PLAG1: variants seen among roughly 807,000 people sequenced by gnomAD.
The protein encoded by PLAG1 is PLAG1 zinc finger.
In PLAG1, 7 loss-of-function variants were observed where a neutral mutation model predicts 35.5. The ratio of observed to expected loss-of-function variants is 0.20; its 90% CI spans 0.11 to 0.37. PLAG1 has a LOEUF of 0.37. PLAG1 is among the 10% of genes least tolerant of loss of function. PLAG1 has a pLI of 1.00. For synonymous variants in PLAG1, 229 were observed against 225.4 expected (o/e 1.02, Z -0.14); for missense variants, 454 against 602.8 (o/e 0.75, Z 2.58).
Position 56,168,372 on chromosome 8 carries a change from G to T in PLAG1, c.-103C>A. Reference sequence around the variant, plus strand: ...TCTCAAGTTTCATGTGGTCGTAAAAGAAAGCAAAAAGGGACTGGAAAAAAA... The same window carrying T: ...TCTCAAGTTTCATGTGGTCGTAAAATAAAGCAAAAAGGGACTGGAAAAAAA... On this transcript the variant is annotated 5_prime_UTR_variant, in exon 4 of 5. Coordinates refer to ENST00000316981, the MANE Select transcript of PLAG1 (RefSeq NM_002655.3). The T allele has an allele frequency of 7.4e-7, 1 of 1,356,900 alleles. No homozygotes were observed. Among genetic ancestry groups the T allele is most frequent in the Non-Finnish European group, 9.6e-7 (1 of 1,046,084 alleles). 84.1% of individuals were successfully genotyped at this position (1,356,900 alleles called of 1,614,324 possible).
At chr8:56,177,732 T>A (rs533905721) in intron 2 of PLAG1, among the ~76,000 whole-genome samples, 1 of 152,302 alleles carries the variant, frequency 6.6e-6, no homozygotes, top group African/African-American at 2.4e-5. Context: ...ATTTCAGGAA[T>A]CAAAGCTAGC....
chr8:56,169,293 G>C (rs559919722), intron 3 of PLAG1, among the ~76,000 whole-genome samples: 57 of 152,212 alleles, frequency 3.7e-4, no homozygotes, highest in African/African-American at 1.3e-3. Flanking sequence ...TCATCAAAGA[G>C]GTGTTTAAGG....
intron 1 of PLAG1, among the ~76,000 whole-genome samples, chr8:56,180,002 T>TAAGG (rs1786355632): frequency 6.6e-6 from 1 of 152,174 alleles, no homozygotes; most frequent in African/African-American, 2.4e-5. Flanking sequence ...AGAGGCAGAA[T>TAAGG]AAGGAGCCAG....
intron 1 of PLAG1, among the ~76,000 whole-genome samples, chr8:56,190,547 G>A (rs1316833986): frequency 6.6e-6 from 1 of 152,170 alleles, no homozygotes. Context: ...AGGAAGGAGT[G>A]CTGCATGAGG....
In PLAG1 at chr8:56,165,832, T is replaced by C; in HGVS notation, c.*411A>G. 1 of 197,306 alleles carries C rather than the reference T, an allele frequency of 5.1e-6. No homozygotes were observed. The highest frequency in any genetic ancestry group is 6.0e-5 in the Admixed American group (1 of 16,614). 12.2% of individuals were successfully genotyped at this position (197,306 alleles called of 1,614,324 possible). ...TTAAACCCTTGAGTTATTCACAAACTTTTTATACAATTTACATTCTATTGC... is the reference window on the plus strand; with the variant it reads ...TTAAACCCTTGAGTTATTCACAAACCTTTTATACAATTTACATTCTATTGC... On this transcript the variant is annotated 3_prime_UTR_variant, in exon 5 of 5. Coordinates refer to ENST00000316981, the MANE Select transcript of PLAG1 (RefSeq NM_002655.3).
Position 56,179,512 on chromosome 8 carries a change from ACCT to A in PLAG1, c.-321-2_-321del. On this transcript the variant is annotated splice_acceptor_variant and 5_prime_UTR_variant, in exon 2 of 5. Coordinates refer to ENST00000316981, the MANE Select transcript of PLAG1 (RefSeq NM_002655.3). LOFTEE classifies it low-confidence loss of function (5UTR_SPLICE). ...ACGGCCAAGGCAGCACCAAGAGGCA[ACCT>A]AAAAAGAAAAGAAGAGTTAGTTTTA... is the stretch of plus-strand genomic sequence containing the variant. The A allele has an allele frequency of 1.1e-6, 1 of 925,780 alleles. No homozygotes were observed. Among genetic ancestry groups the A allele is most frequent in the Non-Finnish European group, 1.3e-6 (1 of 775,098 alleles). The allele number at this position is 925,780 out of a possible 1,614,324, so 57.3% of individuals were successfully genotyped here.
intron 1 of PLAG1, among the ~76,000 whole-genome samples, chr8:56,192,700 A>G (rs1812222877): frequency 6.6e-6 from 1 of 152,252 alleles, no homozygotes; most frequent in Non-Finnish European, 1.5e-5. Flanking sequence ...CAATGTTATC[A>G]TGATTGCTTA....
intron 1 of PLAG1, among the ~76,000 whole-genome samples, chr8:56,186,166 G>T (rs993862029): frequency 2.5e-4 from 38 of 152,098 alleles, no homozygotes; most frequent in African/African-American, 8.9e-4. Flanking sequence ...GTCAGAAGGG[G>T]CTTAAACTTT....
At chr8:56,210,382 C>T (rs925529665) in intron 1 of PLAG1, among the ~76,000 whole-genome samples, 1 of 151,954 alleles carries the variant, frequency 6.6e-6, no homozygotes, top group Non-Finnish European at 1.5e-5. Flanking sequence ...CGATCTCCTG[C>T]TTTCATTTAG....
intron 1 of PLAG1, among the ~76,000 whole-genome samples, chr8:56,187,656 G>C (rs902965289): frequency 6.6e-6 from 1 of 152,132 alleles, no homozygotes; most frequent in Non-Finnish European, 1.5e-5. Context: ...AAAAATAAGG[G>C]TTTGTTTTTT....
chr8:56,167,357 T>C lies in PLAG1; in HGVS notation c.389A>G (p.Tyr130Cys), dbSNP rs775343006. The C allele has an allele frequency of 3.1e-6, 5 of 1,614,062 alleles. No homozygotes were observed. Among genetic ancestry groups the C allele is most frequent in the Non-Finnish European group, 3.4e-6 (4 of 1,179,984 alleles). Residue 130 changes from tyrosine (Y) to cysteine (C), a missense_variant, in exon 5 of 5, where the codon TAC becomes TGC. Around this residue, in one of 4 missense-constraint regions of PLAG1, gnomAD observed 170 missense variants for 226.3 expected, o/e 0.75. Coordinates refer to ENST00000316981, the MANE Select transcript of PLAG1 (RefSeq NM_002655.3). The surrounding 1 kb of genome is among the most constrained non-coding windows in gnomAD (Gnocchi z 5.9). ...TFKCEECGKN[Y>C]NTKLGFKRHL... ...ACGTTTAAATCCAAGCTTGGTATTGTAGTTCTTGCCACATTCTTCGCACTT... is the reference window on the plus strand; with the variant it reads ...ACGTTTAAATCCAAGCTTGGTATTGCAGTTCTTGCCACATTCTTCGCACTT...
intron 1 of PLAG1, among the ~76,000 whole-genome samples, chr8:56,208,324 GC>G (rs1309665554): frequency 6.6e-6 from 1 of 152,132 alleles, no homozygotes; most frequent in East Asian, 1.9e-4. Context: ...TCTATTGATA[GC>G]TTAATCCTTT....
chr8:56,204,612 TG>T (rs1157130810), intron 1 of PLAG1, among the ~76,000 whole-genome samples: 2 of 151,896 alleles, frequency 1.3e-5, no homozygotes, highest in African/African-American at 2.4e-5. Context: ...GTCTAACCAC[TG>T]GTTAAAGAGA....
intron 2 of PLAG1, among the ~76,000 whole-genome samples, chr8:56,173,921 A>G (rs1056043494): frequency 1.3e-5 from 2 of 152,166 alleles, no homozygotes; most frequent in Non-Finnish European, 2.9e-5. Context: ...CATACATCAG[A>G]GGGTCTACTA....
intron 2 of PLAG1, among the ~76,000 whole-genome samples, chr8:56,178,637 T>A (rs1260231609): frequency 6.6e-6 from 1 of 152,154 alleles, no homozygotes; most frequent in African/African-American, 2.4e-5. Context: ...CTTTCCCCCA[T>A]CTGCCATCAG....
Position 56,184,789 on chromosome 8 carries a change from C to A in PLAG1, c.-321-5276G>T, listed in dbSNP as rs138510099. Among the ~76,000 whole-genome samples, 387 of 152,066 alleles carry A rather than the reference C, an allele frequency of 2.5e-3. 1 individual carries two copies. Among genetic ancestry groups the A allele is most frequent in the African/African-American group, 8.8e-3 (367 of 41,470 alleles). ...AAAATTAGCCGGTTGTGGTGGCAGGCGCCTGTAATCTCAGCTACTCCAGAG... is the reference window on the plus strand; with the variant it reads ...AAAATTAGCCGGTTGTGGTGGCAGGAGCCTGTAATCTCAGCTACTCCAGAG... On this transcript the variant is annotated intron_variant, in intron 1 of 4. Coordinates refer to ENST00000316981, the MANE Select transcript of PLAG1 (RefSeq NM_002655.3).
Position 56,166,535 on chromosome 8 carries a change from G to C in PLAG1, c.1211C>G (p.Ser404Cys), listed in dbSNP as rs1160345224. 1.9e-6 allele frequency: 3 copies of C among 1,613,900 alleles called. No individual in the cohort carries two copies. Among genetic ancestry groups the C allele is most frequent in the Admixed American group, 1.7e-5 (1 of 59,990 alleles). ...GAGDLSLSKS[S>C]ISISDPLNTP... ...GTTTAGGGGGTCACTGATGGAGATA[G>C]AGCTTTTGGATAGGGAGAGGTCTCC... Residue 404 changes from serine (S) to cysteine (C), a missense_variant, in exon 5 of 5, where the codon TCT (serine) becomes TGT (cysteine). Physicochemically the swap from Ser to Cys is moderately radical, Grantham distance 112 (BLOSUM62 -1). Coordinates refer to ENST00000316981, the MANE Select transcript of PLAG1 (RefSeq NM_002655.3).
In PLAG1 at chr8:56,168,048, A is replaced by C; in HGVS notation, c.222T>G (p.Val74=). 6.3e-7 allele frequency: 1 copy of C among 1,579,494 alleles called. No individual in the cohort carries two copies. The highest frequency in any genetic ancestry group is 8.7e-7 in the Non-Finnish European group (1 of 1,154,726). ...CIQQDCTKAF[V]SKYKLQRHMA... ...AATACCTTTGTAATTTGTACTTAGA[A>C]ACAAAGGCCTTGGTGCAGTCTTGTT... is the stretch of plus-strand genomic sequence containing the variant. Residue 74 remains valine, a synonymous_variant, in exon 4 of 5, where the codon GTT becomes GTG. Transcript: ENST00000316981.
chr8:56,178,687 C>T (rs1046581011), intron 2 of PLAG1, among the ~76,000 whole-genome samples: 1 of 152,084 alleles, frequency 6.6e-6, no homozygotes, highest in Non-Finnish European at 1.5e-5. Flanking sequence ...TCTGTCACAG[C>T]CACCATTGTT....
Sources: allele counts gnomAD v4.1 joint callset (sites outside exome capture counted in the v4.1 genomes callset), GRCh38; gene constraint gnomAD v4.1.1; regional missense constraint gnomAD v4.1.1; non-coding constraint Gnocchi (gnomAD v3.1); transcripts MANE v1.5; gene names NCBI Gene and HGNC (gene_info 2026-07-23, HGNC 2026-07-21).